LY86: variants seen among roughly 807,000 people sequenced by gnomAD.
The protein encoded by LY86 is MD-1, RP105-associated.
In LY86, 20 loss-of-function variants were observed where a neutral mutation model predicts 17.3. The observed-to-expected ratio is 1.15, with a 90% confidence interval of 0.81 to 1.68. LY86 has a LOEUF of 1.68. LY86 is among the 40% of genes most tolerant of loss of function. The pLI is 0.00. For synonymous variants in LY86, 74 were observed against 70.6 expected (o/e 1.05, Z -0.24); for missense variants, 200 against 191.9 (o/e 1.04, Z -0.25).
chr6:6,606,378 C>A (rs1000456600), intron 1 of LY86, among the ~76,000 whole-genome samples: 1 of 152,156 alleles, frequency 6.6e-6, no homozygotes, highest in Non-Finnish European at 1.5e-5. Context: ...TCTCCAAGTC[C>A]CCCCCAGACT....
At chr6:6,602,543 C>T (rs1760941787) in intron 1 of LY86, among the ~76,000 whole-genome samples, 2 of 152,096 alleles carry the variant, frequency 1.3e-5, no homozygotes, top group Non-Finnish European at 2.9e-5. Flanking sequence ...GACCCTGGCA[C>T]TAAGAATTGA....
chr6:6,600,529 G>A (rs990414591), intron 1 of LY86, among the ~76,000 whole-genome samples: 2 of 145,586 alleles, frequency 1.4e-5, no homozygotes, highest in Non-Finnish European at 3.0e-5. Flanking sequence ...GGCAGAGGTT[G>A]CAGTGAGTGG....
chr6:6,606,659 G>A (rs937120822), intron 1 of LY86, among the ~76,000 whole-genome samples: 1 of 152,232 alleles, frequency 6.6e-6, no homozygotes, highest in African/African-American at 2.4e-5. Context: ...GAGCACAGCA[G>A]CTACTGGCCC....
intron 1 of LY86, among the ~76,000 whole-genome samples, chr6:6,604,480 A>G (rs561230130): frequency 1.3e-5 from 2 of 152,218 alleles, no homozygotes; most frequent in African/African-American, 4.8e-5. Context: ...TTGTTTTTAA[A>G]ATAGCTGAAG....
intron 1 of LY86, among the ~76,000 whole-genome samples, chr6:6,595,373 AAG>A (rs554650841): frequency 2.0e-4 from 3 of 15,112 alleles, no homozygotes; most frequent in East Asian, 5.3e-3. Context: ...GAGAAGAAAG[AAG>A]AGAGGGGAGA....
chr6:6,600,196 G>T (rs1425189169), intron 1 of LY86, among the ~76,000 whole-genome samples: 1 of 151,896 alleles, frequency 6.6e-6, no homozygotes, highest in Non-Finnish European at 1.5e-5. Flanking sequence ...GCAAGAGCTT[G>T]TTTAGGGTAA....
intron 1 of LY86, among the ~76,000 whole-genome samples, chr6:6,597,305 C>A (rs1236291203): frequency 6.6e-6 from 1 of 152,130 alleles, no homozygotes; most frequent in Non-Finnish European, 1.5e-5. Flanking sequence ...ACCAGGTGCC[C>A]CATGAGGCAG....
chr6:6,612,492 A>G (rs1345803754), intron 1 of LY86, among the ~76,000 whole-genome samples: 2 of 150,418 alleles, frequency 1.3e-5, no homozygotes, highest in South Asian at 2.1e-4. Context: ...AAGTGTAAAC[A>G]ACAAAAACAC....
At chr6:6,604,004 T>G (rs2113096614) in intron 1 of LY86, among the ~76,000 whole-genome samples, 1 of 152,310 alleles carries the variant, frequency 6.6e-6, no homozygotes, top group Admixed American at 6.5e-5. Flanking sequence ...TACTATCATC[T>G]AGGTTTGGGC....
chr6:6,654,483 T>A (rs753335312), intron 4 of LY86, 61 bp from the exon 5 acceptor site: 17 of 1,272,532 alleles, frequency 1.3e-5, no homozygotes, highest in Non-Finnish European at 1.6e-5. Flanking sequence ...TGTAAATATT[T>A]GTTAAATGGT....
At chr6:6,603,285 G>C (rs1277935611) in intron 1 of LY86, among the ~76,000 whole-genome samples, 2 of 152,064 alleles carry the variant, frequency 1.3e-5, no homozygotes, top group Non-Finnish European at 2.9e-5. Flanking sequence ...GCACCCTGCA[G>C]TGTCCTTGTG....
chr6:6,600,371 C>T (rs1242105264), intron 1 of LY86, among the ~76,000 whole-genome samples: 1 of 151,910 alleles, frequency 6.6e-6, no homozygotes, highest in Non-Finnish European at 1.5e-5. Flanking sequence ...AGGCAGATCA[C>T]CTTAGGTCAG....
intron 1 of LY86, among the ~76,000 whole-genome samples, chr6:6,614,805 C>T (rs938233095): frequency 1.3e-5 from 2 of 151,848 alleles, no homozygotes; most frequent in African/African-American, 4.8e-5. Flanking sequence ...CCGTGCCTTT[C>T]TTGAAAGAAT....
At chr6:6,609,156 C>T (rs1278540014) in intron 1 of LY86, among the ~76,000 whole-genome samples, 2 of 152,114 alleles carry the variant, frequency 1.3e-5, no homozygotes, top group East Asian at 1.9e-4. Context: ...ATCCTATTCC[C>T]GGATGGTCTA....
At chr6:6,644,867 A>C (rs997899801) in intron 3 of LY86, among the ~76,000 whole-genome samples, 1 of 152,170 alleles carries the variant, frequency 6.6e-6, no homozygotes, top group Non-Finnish European at 1.5e-5. Flanking sequence ...GAAAGGATGG[A>C]GTGAAAATTT....
intron 1 of LY86, 55 bp from the exon 2 acceptor site, chr6:6,624,871 T>C: frequency 1.3e-6 from 1 of 794,178 alleles, no homozygotes; most frequent in South Asian, 1.6e-5. Flanking sequence ...ATTTTGAATA[T>C]GTTTGCAAAA....
chr6:6,626,032 TGG>T (rs1250772641), intron 2 of LY86, among the ~76,000 whole-genome samples: 3 of 152,084 alleles, frequency 2.0e-5, no homozygotes, highest in Non-Finnish European at 2.9e-5. Flanking sequence ...AGCATCAGGG[TGG>T]GGAGCTCAGC....
At chr6:6,604,118 G>A (rs921612253) in intron 1 of LY86, among the ~76,000 whole-genome samples, 1 of 152,064 alleles carries the variant, frequency 6.6e-6, no homozygotes, top group African/African-American at 2.4e-5. Flanking sequence ...TAGGCAGAAG[G>A]AAATATTAAT....
At chr6:6,591,894 G>T (rs1423735688) in intron 1 of LY86, among the ~76,000 whole-genome samples, 1 of 152,192 alleles carries the variant, frequency 6.6e-6, no homozygotes, top group African/African-American at 2.4e-5. Flanking sequence ...ATGGGACCAG[G>T]CACAGGGTTC....
Sources: allele counts gnomAD v4.1 joint callset (sites outside exome capture counted in the v4.1 genomes callset), GRCh38; gene constraint gnomAD v4.1.1; transcripts MANE v1.5; gene names NCBI Gene and HGNC (gene_info 2026-07-23, HGNC 2026-07-21).